Variants in NXN observed in about 807,000 individuals in gnomAD.
NXN encodes the protein nucleoredoxin 1.
In NXN, 16 loss-of-function variants were observed where a neutral mutation model predicts 48.6. That is an observed-to-expected ratio of 0.33 (90% CI 0.22 to 0.50). The LOEUF is 0.50. NXN is among the 20% of genes least tolerant of loss of function. The probability of loss-of-function intolerance (pLI) is 0.98; values close to 1 mark genes in which losing one functional copy is unlikely to be tolerated. For synonymous variants in NXN, 281 were observed against 269.6 expected (o/e 1.04, Z -0.41); for missense variants, 492 against 605.5 (o/e 0.81, Z 1.97).
rs576320660 is a variant in NXN, at chr17:810,268, G to T, written c.821-5021C>A. 9.6e-4 allele frequency among the ~76,000 whole-genome samples: 127 copies of T among 131,642 alleles called. 1 individual carries two copies. The highest frequency in any genetic ancestry group is 3.4e-3 in the African/African-American group (124 of 36,478). 86.4% of individuals were successfully genotyped at this position (131,642 alleles called of 152,430 possible). A position where few individuals can be genotyped will look rare whatever the true frequency, so the allele number is the denominator to read the frequency against. ...TTACGAGTCTGTGAGTGGCGTGCAC[G>T]TTACGAGTCTGTGAGTGGCGTGCAC... On this transcript the variant is annotated intron_variant, in intron 5 of 7. Coordinates refer to ENST00000336868, the MANE Select transcript of NXN (RefSeq NM_022463.5).
At chr17:943,996 G>C (rs1368276882) in intron 1 of NXN, among the ~76,000 whole-genome samples, 1 of 152,096 alleles carries the variant, frequency 6.6e-6, no homozygotes, top group Non-Finnish European at 1.5e-5. Flanking sequence ...CCAGCACTTT[G>C]GGAGGCCAAG....
intron 1 of NXN, among the ~76,000 whole-genome samples, chr17:902,501 G>C (rs536367987): frequency 1.3e-5 from 2 of 152,276 alleles, no homozygotes; most frequent in African/African-American, 4.8e-5. Flanking sequence ...TCACTGGGCC[G>C]TCCTGCCCTG....
At chr17:812,736 G>C (rs939491058) in intron 5 of NXN, among the ~76,000 whole-genome samples, 6 of 145,364 alleles carry the variant, frequency 4.1e-5, no homozygotes, top group Non-Finnish European at 7.5e-5. Context: ...TGTGAGTGTA[G>C]GGTGCGTGAG....
intron 1 of NXN, among the ~76,000 whole-genome samples, chr17:901,597 TCAAA>T (rs1362599322): frequency 1.3e-5 from 2 of 152,218 alleles, no homozygotes; most frequent in Admixed American, 1.3e-4. Context: ...GGCAATGAAT[TCAAA>T]CAAAGCACAT....
At chr17:952,763 A>G (rs12944688) in intron 1 of NXN, among the ~76,000 whole-genome samples, 19 of 72,108 alleles carry the variant, frequency 2.6e-4, no homozygotes, top group Middle Eastern at 0.01. Flanking sequence ...GGGGGGCTGG[A>G]GTCAGACAGA....
At chr17:937,759 C>T (rs1379880420) in intron 1 of NXN, among the ~76,000 whole-genome samples, 2 of 152,220 alleles carry the variant, frequency 1.3e-5, no homozygotes, top group African/African-American at 2.4e-5. Context: ...CGCCGGGAAC[C>T]ACATGAAAAG....
At chr17:972,827 C>A (rs933316861) in intron 1 of NXN, among the ~76,000 whole-genome samples, 1 of 152,078 alleles carries the variant, frequency 6.6e-6, no homozygotes, top group South Asian at 2.1e-4. Context: ...GTCAGGAGAT[C>A]GAGACCATCA....
At chr17:969,167 G>A (rs909725934) in intron 1 of NXN, among the ~76,000 whole-genome samples, 4 of 152,068 alleles carry the variant, frequency 2.6e-5, no homozygotes, top group African/African-American at 7.2e-5. Flanking sequence ...TAAACGGCAC[G>A]TGCTATGCAC....
chr17:828,030 C>T (rs1913227705), intron 1 of NXN, among the ~76,000 whole-genome samples: 1 of 152,192 alleles, frequency 6.6e-6, no homozygotes, highest in African/African-American at 2.4e-5. Context: ...TTTTCCCAGC[C>T]CCACCTTTCC....
At chr17:885,847 AT>A (rs71145784) in intron 1 of NXN, among the ~76,000 whole-genome samples, 52,344 of 145,144 alleles carry the variant, frequency 0.36, 10,870 homozygotes, top group East Asian at 0.59. Flanking sequence ...CGCCCGGCTA[AT>A]TTTTTTTTTT....
intron 1 of NXN, among the ~76,000 whole-genome samples, chr17:831,218 G>C (rs1025890030): frequency 6.6e-6 from 1 of 151,860 alleles, no homozygotes; most frequent in Non-Finnish European, 1.5e-5. Context: ...CCAGCACTTA[G>C]GGAGGCAAGG....
chr17:831,000 C>CAA lies in NXN; in HGVS notation c.361-4924_361-4923dup, dbSNP rs567432488. On this transcript the variant is annotated intron_variant, in intron 1 of 7. Coordinates refer to ENST00000336868, the MANE Select transcript of NXN (RefSeq NM_022463.5). This position sits in a 1 kb window ranked among gnomAD's most constrained non-coding sequence, Gnocchi z 4.2. The stretch of plus-strand genomic sequence containing the variant: ...GGGCAACAAGAGCGAAACTCCGTCT[C>CAA]AAAAAAAAAAAAAAAACATGCTCTA... Among the ~76,000 whole-genome samples the CAA allele has an allele frequency of 1.2e-3, 126 of 108,234 alleles. No individual in the cohort carries two copies. The highest frequency in any genetic ancestry group is 2.2e-3 in the African/African-American group (65 of 29,330). The allele number at this position is 108,234 out of a possible 152,430, so 71.0% of individuals were successfully genotyped here. A position where few individuals can be genotyped will look rare whatever the true frequency, so the allele number is the denominator to read the frequency against.
intron 1 of NXN, among the ~76,000 whole-genome samples, chr17:945,546 G>T (rs1281208610): frequency 6.6e-6 from 1 of 151,008 alleles, no homozygotes; most frequent in Non-Finnish European, 1.5e-5. Context: ...CAGGAGAATG[G>T]CGTGAACCCG....
chr17:861,905 C>T (rs2068044788), intron 1 of NXN, among the ~76,000 whole-genome samples: 1 of 152,032 alleles, frequency 6.6e-6, no homozygotes, highest in Non-Finnish European at 1.5e-5. Context: ...TCTCAGCTCA[C>T]TGCAACCTCT....
At chr17:921,683 T>C (rs1567863509) in intron 1 of NXN, among the ~76,000 whole-genome samples, 1 of 150,532 alleles carries the variant, frequency 6.6e-6, no homozygotes, top group Non-Finnish European at 1.5e-5. Flanking sequence ...TCATCCTCAC[T>C]GCCCCTGGAC....
At chr17:959,045 G>T (rs547382717) in intron 1 of NXN, 2 of 270,212 alleles carry the variant, frequency 7.4e-6, no homozygotes, top group Non-Finnish European at 1.4e-5. Flanking sequence ...TGGTGGCCGC[G>T]GTGTGGTCAC....
intron 1 of NXN, among the ~76,000 whole-genome samples, chr17:940,735 G>A (rs969054812): frequency 6.6e-6 from 1 of 150,832 alleles, no homozygotes; most frequent in Non-Finnish European, 1.5e-5. Flanking sequence ...GATTTACAGT[G>A]AACAAGATTC....
chr17:963,803 C>T (rs1480828780), intron 1 of NXN, among the ~76,000 whole-genome samples: 1 of 152,122 alleles, frequency 6.6e-6, no homozygotes, highest in Non-Finnish European at 1.5e-5. Flanking sequence ...CTGGGCCGGG[C>T]GCGGTGGCTC....
At chr17:842,418 C>T (rs1025235463) in intron 1 of NXN, 15 of 673,444 alleles carry the variant, frequency 2.2e-5, no homozygotes, top group South Asian at 6.6e-5. Context: ...GCCGGGAGCC[C>T]GGGTCCGGCT....
Sources: allele counts gnomAD v4.1 joint callset (sites outside exome capture counted in the v4.1 genomes callset), GRCh38; gene constraint gnomAD v4.1.1; non-coding constraint Gnocchi (gnomAD v3.1); transcripts MANE v1.5; gene names NCBI Gene and HGNC (gene_info 2026-07-23, HGNC 2026-07-21).